Variants in KLHL32 observed in about 807,000 individuals in gnomAD.
KLHL32 encodes the protein kelch like family member 32.
A neutral mutation model predicts 64.8 loss-of-function variants in KLHL32; 35 were observed. The ratio of observed to expected loss-of-function variants is 0.54; its 90% CI spans 0.41 to 0.72. The LOEUF is 0.72. Among genes scored for constraint, KLHL32 ranks in the 30% least tolerant of loss-of-function variants. The pLI is 0.00. For missense variants in KLHL32, 589 were observed against 768.5 expected (o/e 0.77, Z 2.76); for synonymous variants, 259 against 281.0 (o/e 0.92, Z 0.78).
chr6:97,119,432 G>A (rs368558117), intron 7 of KLHL32, among the ~76,000 whole-genome samples: 40 of 152,282 alleles, frequency 2.6e-4, no homozygotes, highest in African/African-American at 8.9e-4. Flanking sequence ...AGTTTGTCTG[G>A]AAAGGGGCTA....
At chr6:97,079,870 A>G (rs78903711) in intron 5 of KLHL32, among the ~76,000 whole-genome samples, 1,886 of 152,308 alleles carry the variant, frequency 0.012, 17 homozygotes, top group Non-Finnish European at 0.02. Context: ...TTTAGAAAAA[A>G]AAAAGAGTAA....
At chr6:97,071,961 T>C (rs1790803340) in intron 5 of KLHL32, among the ~76,000 whole-genome samples, 3 of 152,178 alleles carry the variant, frequency 2.0e-5, no homozygotes, top group African/African-American at 7.2e-5. Context: ...CATCTTTTGG[T>C]TGCAGAACCA....
At chr6:97,068,600 T>G (rs1790189650) in intron 5 of KLHL32, among the ~76,000 whole-genome samples, 1 of 152,232 alleles carries the variant, frequency 6.6e-6, no homozygotes, top group Admixed American at 6.5e-5. Flanking sequence ...ACTGTTAATG[T>G]GTTCACAGGA....
At chr6:96,967,321 T>C (rs543651655) in intron 2 of KLHL32, among the ~76,000 whole-genome samples, 1 of 152,318 alleles carries the variant, frequency 6.6e-6, no homozygotes, top group Admixed American at 6.5e-5. Context: ...TTAATCTTTT[T>C]TTCTTATTTA....
intron 6 of KLHL32, among the ~76,000 whole-genome samples, chr6:97,093,624 C>G (rs1794570934): frequency 6.6e-6 from 1 of 151,622 alleles, no homozygotes; most frequent in Non-Finnish European, 1.5e-5. Context: ...TGTTGTGAGA[C>G]TTTGTGGGAA....
chr6:96,905,427 C>G, the KLHL32 span, among the ~76,000 whole-genome samples: 1 of 152,196 alleles, frequency 6.6e-6, no homozygotes, highest in African/African-American at 2.4e-5. Context: ...CCCTTTGTAA[C>G]TGTCTCTGAT....
In KLHL32 at chr6:97,080,750, G is replaced by A. The variant is rs116573416; in HGVS notation, c.412-4376G>A. 2.9e-3 allele frequency among the ~76,000 whole-genome samples: 437 copies of A among 152,296 alleles called. 2 individuals are homozygous for A. The highest frequency in any genetic ancestry group is 9.6e-3 in the African/African-American group (398 of 41,548). On this transcript the variant is annotated intron_variant, in intron 5 of 10. Coordinates refer to ENST00000369261, the MANE Select transcript of KLHL32 (RefSeq NM_052904.4). The stretch of plus-strand genomic sequence containing the variant: ...CTCCTTCCTCCCATGGAGCTTACTG[G>A]GGGATCAGGGGAGGAGACAAGCACA...
chr6:97,071,996 T>A (rs1582927057), intron 5 of KLHL32, among the ~76,000 whole-genome samples: 1 of 152,332 alleles, frequency 6.6e-6, no homozygotes, highest in South Asian at 2.1e-4. Context: ...CTTGTCTCTA[T>A]AATGTACCCT....
intron 1 of KLHL32, among the ~76,000 whole-genome samples, chr6:96,926,678 G>A (rs900799671): frequency 2.6e-5 from 4 of 152,122 alleles, no homozygotes; most frequent in Admixed American, 6.5e-5. Flanking sequence ...TGGGAGAGAG[G>A]GTAGGGAGTG....
At chr6:97,089,779 A>T (rs375205586) in intron 6 of KLHL32, among the ~76,000 whole-genome samples, 1 of 22,848 alleles carries the variant, frequency 4.4e-5, no homozygotes, top group South Asian at 2.8e-3. Flanking sequence ...AACTCCAGCT[A>T]AAAAAAAAAA....
At chr6:97,015,838 G>A (rs1022910614) in intron 3 of KLHL32, among the ~76,000 whole-genome samples, 7 of 152,226 alleles carry the variant, frequency 4.6e-5, no homozygotes, top group African/African-American at 1.2e-4. Flanking sequence ...TTCATGGGTC[G>A]GCCCGTCACT....
At chr6:97,064,479 A>G in intron 4 of KLHL32, 149 bp from the exon 5 acceptor site, 1 of 630,432 alleles carries the variant, frequency 1.6e-6, no homozygotes, top group Non-Finnish European at 2.8e-6. Context: ...CAGGAAGAGA[A>G]GAACTGACTT....
chr6:97,033,798 T>C (rs1562263512), intron 3 of KLHL32, among the ~76,000 whole-genome samples: 1 of 152,118 alleles, frequency 6.6e-6, no homozygotes, highest in Admixed American at 6.5e-5. Context: ...TCTTTTTATA[T>C]ACCTGTTGCC....
intron 10 of KLHL32, among the ~76,000 whole-genome samples, chr6:97,136,306 G>A (rs1208351211): frequency 1.3e-5 from 2 of 152,204 alleles, no homozygotes; most frequent in African/African-American, 2.4e-5. Flanking sequence ...ACAGTGGGAT[G>A]AAGCATGTCC....
chr6:96,926,224 T>C (rs1769142655), intron 1 of KLHL32, among the ~76,000 whole-genome samples: 1 of 152,230 alleles, frequency 6.6e-6, no homozygotes, highest in Non-Finnish European at 1.5e-5. Flanking sequence ...TTTGTTCATC[T>C]TTTCTACTTC....
At chr6:97,130,510 A>G (rs1327709753) in intron 8 of KLHL32, among the ~76,000 whole-genome samples, 1 of 152,206 alleles carries the variant, frequency 6.6e-6, no homozygotes, top group East Asian at 1.9e-4. Context: ...AATGCACTAT[A>G]AAATGCAACA....
At chr6:96,938,630 TGCAGCAGCA>T (rs199671024) in intron 1 of KLHL32, among the ~76,000 whole-genome samples, 3 of 151,968 alleles carry the variant, frequency 2.0e-5, no homozygotes, top group East Asian at 1.9e-4. Context: ...TCTCTCTTCC[TGCAGCAGCA>T]GCAGCAGCAG....
chr6:97,026,269 G>A (rs184331845), intron 3 of KLHL32, among the ~76,000 whole-genome samples: 142 of 152,156 alleles, frequency 9.3e-4, no homozygotes, highest in African/African-American at 3.2e-3. Context: ...CAGAAAAAGT[G>A]AGCTTGATGG....
At chr6:96,972,525 C>T (rs952864017) in intron 2 of KLHL32, among the ~76,000 whole-genome samples, 16 of 152,298 alleles carry the variant, frequency 1.1e-4, no homozygotes, top group South Asian at 2.1e-4. Flanking sequence ...ATTGGGGAAG[C>T]CAGGACACTG....
Sources: gnomAD v4.1 joint callset for allele counts (sites outside exome capture counted in the v4.1 genomes callset) on GRCh38, gnomAD v4.1.1 for gene constraint, MANE v1.5 for transcripts, NCBI Gene and HGNC (gene_info 2026-07-23, HGNC 2026-07-21) for gene names.